The following ATF6 variants were observed in gnomAD, a reference collection of about 807,000 sequenced individuals.
ATF6 encodes cyclic AMP-dependent transcription factor ATF-6 alpha.
Under a neutral mutation model 83.6 loss-of-function variants are expected in ATF6, and 53 were observed. The observed-to-expected ratio is 0.63, with a 90% CI of 0.51 to 0.80. The LOEUF is 0.80. Among genes scored for constraint, ATF6 ranks in the 30% least tolerant of loss-of-function variants. The pLI, the probability that ATF6 is intolerant of heterozygous loss-of-function variation, is 0.00. For missense variants in ATF6, 744 were observed against 797.9 expected (o/e 0.93, Z 0.81); for synonymous variants, 288 against 285.8 (o/e 1.01, Z -0.08).
chr1:161,771,449 T>C (rs1684386822), intron 1 of ATF6, among the ~76,000 whole-genome samples: 1 of 152,170 alleles, frequency 6.6e-6, no homozygotes, highest in South Asian at 2.1e-4. Flanking sequence ...TCTCAAAACC[T>C]TTTCACCATA....
chr1:161,839,043 G>C (rs1259268492), intron 9 of ATF6, among the ~76,000 whole-genome samples: 1 of 152,106 alleles, frequency 6.6e-6, no homozygotes. Flanking sequence ...ATAATGTTCT[G>C]TTCCTGGATC....
At chr1:161,863,470 T>G in intron 14 of ATF6, 158 bp downstream of exon 14, 1 of 516,658 alleles carries the variant, frequency 1.9e-6, no homozygotes, top group Admixed American at 3.4e-5. Context: ...TAATATATGC[T>G]TTACTTTGAG....
At chr1:161,887,759 A>G (rs1687457490) in intron 14 of ATF6, among the ~76,000 whole-genome samples, 1 of 152,222 alleles carries the variant, frequency 6.6e-6, no homozygotes, top group South Asian at 2.1e-4. Context: ...GAGGACATAT[A>G]AAAGGATAAA....
At chr1:161,825,737 G>A (rs947073117) in intron 9 of ATF6, among the ~76,000 whole-genome samples, 10 of 152,080 alleles carry the variant, frequency 6.6e-5, no homozygotes, top group Non-Finnish European at 1.2e-4. Context: ...CATTGTTAGG[G>A]GTTTTTATGG....
chr1:161,835,159 T>G (rs946464184), intron 9 of ATF6, among the ~76,000 whole-genome samples: 2 of 152,202 alleles, frequency 1.3e-5, no homozygotes, highest in African/African-American at 4.8e-5. Context: ...AGTCTTGAAC[T>G]CCTAGGCTCA....
intron 15 of ATF6, among the ~76,000 whole-genome samples, chr1:161,924,460 A>T (rs1688270524): frequency 6.6e-6 from 1 of 152,242 alleles, no homozygotes; most frequent in Non-Finnish European, 1.5e-5. Context: ...ATTGTTAATT[A>T]TATGTTCCTG....
intron 9 of ATF6, among the ~76,000 whole-genome samples, chr1:161,825,816 CT>C (rs1288640085): frequency 6.6e-6 from 1 of 152,118 alleles, no homozygotes; most frequent in Non-Finnish European, 1.5e-5. Flanking sequence ...CTCCAGCCCC[CT>C]CTCCCCTACT....
chr1:161,847,451 G>A (rs566345469), intron 10 of ATF6, among the ~76,000 whole-genome samples: 1 of 152,060 alleles, frequency 6.6e-6, no homozygotes, highest in African/African-American at 2.4e-5. Flanking sequence ...TGAAAAAACT[G>A]TTATTTTTGT....
chr1:161,854,533 A>G lies in ATF6; in HGVS notation c.1533+1210A>G, dbSNP rs1396632360. On this transcript the variant is annotated intron_variant, in intron 12 of 15. Coordinates refer to ENST00000367942, the MANE Select transcript of ATF6 (RefSeq NM_007348.4). Reference sequence around the variant, plus strand: ...AAGAAGACAAGGGTTTGGTGAGAACATTGCTTTTGCCATAGGCAGAAAAGT... The same window carrying G: ...AAGAAGACAAGGGTTTGGTGAGAACGTTGCTTTTGCCATAGGCAGAAAAGT... Among the ~76,000 whole-genome samples the G allele has an allele frequency of 2.0e-5, 3 of 152,222 alleles. No homozygotes were observed. In the East Asian group the frequency reaches 5.8e-4, roughly 29 times the overall value.
At chr1:161,776,051 C>T (rs2101720589) in intron 1 of ATF6, among the ~76,000 whole-genome samples, 1 of 152,216 alleles carries the variant, frequency 6.6e-6, no homozygotes, top group Admixed American at 6.5e-5. Flanking sequence ...AATCCAACAT[C>T]TTAGGATTCT....
At chr1:161,939,175 C>T (rs1324571564) in intron 15 of ATF6, among the ~76,000 whole-genome samples, 1 of 152,188 alleles carries the variant, frequency 6.6e-6, no homozygotes, top group African/African-American at 2.4e-5. Context: ...CGTGATTTCA[C>T]TGAGACCTCC....
intron 15 of ATF6, among the ~76,000 whole-genome samples, chr1:161,938,530 T>C (rs1688581900): frequency 6.6e-6 from 1 of 152,192 alleles, no homozygotes; most frequent in Non-Finnish European, 1.5e-5. Context: ...TCACCAAAGA[T>C]TTTACCCATT....
intron 9 of ATF6, among the ~76,000 whole-genome samples, chr1:161,844,082 C>T (rs982710987): frequency 3.3e-5 from 5 of 152,096 alleles, no homozygotes; most frequent in Admixed American, 2.6e-4. Flanking sequence ...AATATAACTG[C>T]CAGGAAAGCC....
At chr1:161,921,226 A>G (rs1391292802) in intron 15 of ATF6, among the ~76,000 whole-genome samples, 1 of 152,170 alleles carries the variant, frequency 6.6e-6, no homozygotes, top group Non-Finnish European at 1.5e-5. Context: ...TAAAGAGAGG[A>G]TTCATGTTGA....
Position 161,963,977 on chromosome 1 carries a change from A to G in ATF6, c.*5323A>G, listed in dbSNP as rs1689155394. 6.6e-6 allele frequency: 1 copy of G among 152,204 alleles called. No homozygotes were observed. Among genetic ancestry groups the G allele is most frequent in the African/African-American group, 2.4e-5 (1 of 41,444 alleles). 9.4% of individuals were successfully genotyped at this position (152,204 alleles called of 1,614,324 possible). A position where few individuals can be genotyped will look rare whatever the true frequency, so the allele number is the denominator to read the frequency against. On this transcript the variant is annotated 3_prime_UTR_variant, in exon 16 of 16. Coordinates refer to ENST00000367942, the MANE Select transcript of ATF6 (RefSeq NM_007348.4). ...AATGATGTTGGTTTGCAAAACCTAA[A>G]GAAATAATAACAACAGACTATTTCA...
At chr1:161,912,992 G>A (rs1002183692) in intron 15 of ATF6, among the ~76,000 whole-genome samples, 26 of 152,118 alleles carry the variant, frequency 1.7e-4, no homozygotes, top group African/African-American at 6.3e-4. Flanking sequence ...AGAAAGTCAC[G>A]TAAGTAATAT....
intron 15 of ATF6, among the ~76,000 whole-genome samples, chr1:161,914,881 T>C (rs181934558): frequency 2.6e-5 from 4 of 152,284 alleles, no homozygotes; most frequent in Non-Finnish European, 5.9e-5. Context: ...ACCCAGCTCT[T>C]CTCTCTATGC....
chr1:161,778,166 A>G (rs1684560358), intron 1 of ATF6, 78 bp from the exon 2 acceptor site: 1 of 1,133,300 alleles, frequency 8.8e-7, no homozygotes, highest in South Asian at 1.3e-5. Context: ...AATAGAGGTG[A>G]CATAGGGACA....
At chr1:161,864,525 A>G (rs967526331) in intron 14 of ATF6, among the ~76,000 whole-genome samples, 12 of 152,194 alleles carry the variant, frequency 7.9e-5, no homozygotes, top group Non-Finnish European at 1.2e-4. Context: ...TCTTTTCCTA[A>G]GGTATAAATA....
Sources: allele counts gnomAD v4.1 joint callset (sites outside exome capture counted in the v4.1 genomes callset), GRCh38; gene constraint gnomAD v4.1.1; transcripts MANE v1.5; gene names NCBI Gene and HGNC (gene_info 2026-07-23, HGNC 2026-07-21).